Variants in PTDSS1 observed in about 807,000 individuals in gnomAD.
The protein encoded by PTDSS1 is PSS-1.
A neutral mutation model predicts 70.5 loss-of-function variants in PTDSS1; 45 were observed. That is an observed-to-expected ratio of 0.64 (90% CI 0.50 to 0.82). PTDSS1 has a LOEUF of 0.82. Among genes scored for constraint, PTDSS1 ranks in the 40% least tolerant of loss-of-function variants. The pLI is 0.00. For synonymous variants in PTDSS1, 188 were observed against 203.8 expected (o/e 0.92, Z 0.66); for missense variants, 417 against 586.1 (o/e 0.71, Z 2.98).
intron 6 of PTDSS1, among the ~76,000 whole-genome samples, chr8:96,301,352 C>A (rs1811047919): frequency 6.6e-6 from 1 of 152,104 alleles, no homozygotes; most frequent in Non-Finnish European, 1.5e-5. Context: ...GCCTCAGCAT[C>A]TCAAAGTGTT....
chr8:96,264,642 C>A (rs564346314), intron 1 of PTDSS1, among the ~76,000 whole-genome samples: 3 of 152,072 alleles, frequency 2.0e-5, no homozygotes, highest in South Asian at 2.1e-4. Context: ...TTTGTTTCAG[C>A]CTTTCATTTT....
In PTDSS1 at chr8:96,333,438, C is replaced by A; in HGVS notation, c.1313-19C>A. On this transcript the variant is annotated intron_variant, in intron 12 of 12. Coordinates refer to ENST00000517309, the MANE Select transcript of PTDSS1 (RefSeq NM_014754.3). The stretch of plus-strand genomic sequence containing the variant: ...CTCCAGAGCCCAGGGTGACGGTGTG[C>A]TCTGATTCCTTTGGCCAGGTTCTGA... 1.3e-6 allele frequency: 2 copies of A among 1,593,488 alleles called. No individual in the cohort carries two copies. Among genetic ancestry groups the A allele is most frequent in the Non-Finnish European group, 1.7e-6 (2 of 1,161,314 alleles).
chr8:96,280,994 A>G (rs950681874), intron 2 of PTDSS1, among the ~76,000 whole-genome samples: 2 of 152,122 alleles, frequency 1.3e-5, no homozygotes, highest in Non-Finnish European at 2.9e-5. Flanking sequence ...GATGCTACAG[A>G]TGGGGCTCAT....
At chr8:96,263,189 T>G (rs953103983) in intron 1 of PTDSS1, among the ~76,000 whole-genome samples, 1 of 152,212 alleles carries the variant, frequency 6.6e-6, no homozygotes, top group Non-Finnish European at 1.5e-5. Context: ...GCCCAAATCT[T>G]GAACACACCT....
At chr8:96,286,707 T>C (rs1810827249) in intron 3 of PTDSS1, among the ~76,000 whole-genome samples, 1 of 152,206 alleles carries the variant, frequency 6.6e-6, no homozygotes, top group African/African-American at 2.4e-5. Flanking sequence ...CCGACCTGCA[T>C]GCTGTTCTCT....
intron 2 of PTDSS1, among the ~76,000 whole-genome samples, chr8:96,278,606 T>C (rs1810683729): frequency 2.0e-5 from 3 of 152,224 alleles, no homozygotes; most frequent in Non-Finnish European, 4.4e-5. Flanking sequence ...AATGGCTACC[T>C]TCATCCCATT....
At chr8:96,297,203 G>A (rs1416731252) in intron 5 of PTDSS1, among the ~76,000 whole-genome samples, 5 of 152,036 alleles carry the variant, frequency 3.3e-5, no homozygotes, top group Non-Finnish European at 7.4e-5. Context: ...TTTTGAGACG[G>A]AGTCTTGCTT....
intron 12 of PTDSS1, among the ~76,000 whole-genome samples, chr8:96,332,643 G>C (rs1218565968): frequency 6.6e-6 from 1 of 152,188 alleles, no homozygotes; most frequent in Non-Finnish European, 1.5e-5. Context: ...CCACTGAAGA[G>C]AATTAAGCAG....
chr8:96,294,988 G>C, intron 4 of PTDSS1, 110 bp from the exon 5 acceptor site: 3 of 1,028,464 alleles, frequency 2.9e-6, no homozygotes, highest in Non-Finnish European at 4.1e-6. Context: ...TACTGAGCAG[G>C]ACTTATTTGT....
At chr8:96,330,324 AC>A (rs1387473736) in intron 11 of PTDSS1, 43 bp downstream of exon 11, 7 of 1,564,354 alleles carry the variant, frequency 4.5e-6, no homozygotes, top group Non-Finnish European at 6.1e-6. Flanking sequence ...TAAAATAATC[AC>A]CCCGGGCTCG....
chr8:96,268,766 G>A (rs1011175472), intron 1 of PTDSS1, among the ~76,000 whole-genome samples: 2 of 151,920 alleles, frequency 1.3e-5, no homozygotes, highest in African/African-American at 4.8e-5. Flanking sequence ...TTGAAAACTT[G>A]ATTGGGATTT....
intron 3 of PTDSS1, among the ~76,000 whole-genome samples, chr8:96,284,676 A>C (rs1810795944): frequency 6.6e-6 from 1 of 152,250 alleles, no homozygotes; most frequent in Non-Finnish European, 1.5e-5. Flanking sequence ...TTAATTTTGT[A>C]GTCTAAATAG....
At chr8:96,297,896 A>G (rs967700950) in intron 5 of PTDSS1, among the ~76,000 whole-genome samples, 8 of 152,264 alleles carry the variant, frequency 5.3e-5, no homozygotes, top group African/African-American at 1.9e-4. Context: ...TACATGGCAG[A>G]TGCTCCACAA....
At chr8:96,319,458 T>A (rs945586735) in intron 9 of PTDSS1, among the ~76,000 whole-genome samples, 28 of 151,582 alleles carry the variant, frequency 1.8e-4, no homozygotes, top group Admixed American at 1.7e-3. Context: ...TGACTTTTTT[T>A]AATGTTTTAA....
At chr8:96,265,584 C>CAAACA (rs111419887) in intron 1 of PTDSS1, among the ~76,000 whole-genome samples, 2,077 of 151,842 alleles carry the variant, frequency 0.014, 25 homozygotes, top group Non-Finnish European at 0.016. Context: ...TCTCTACAAA[C>CAAACA]AAACAAAACA....
At chr8:96,299,628 T>G (rs1479968951) in intron 5 of PTDSS1, 66 bp from the exon 6 acceptor site, 1 of 1,427,516 alleles carries the variant, frequency 7.0e-7, no homozygotes, top group African/African-American at 1.5e-5. Flanking sequence ...AAAAAGGAAA[T>G]CTATCTATCT....
chr8:96,296,999 A>G (rs1810985235), intron 5 of PTDSS1, among the ~76,000 whole-genome samples: 1 of 152,134 alleles, frequency 6.6e-6, no homozygotes, highest in South Asian at 2.1e-4. Flanking sequence ...AGTTCTGTAG[A>G]GTCTTCTAAG....
chr8:96,320,454 A>C, intron 10 of PTDSS1, 109 bp downstream of exon 10: 1 of 962,732 alleles, frequency 1.0e-6, no homozygotes, highest in Non-Finnish European at 1.6e-6. Flanking sequence ...TTAGAAATTC[A>C]TAAAAAGATG....
chr8:96,317,038 T>TAG (rs1426985511), intron 9 of PTDSS1, among the ~76,000 whole-genome samples: 4 of 134,364 alleles, frequency 3.0e-5, no homozygotes, highest in Admixed American at 3.0e-4. Flanking sequence ...TGTGTCTATA[T>TAG]ATATGTGTGT....
Sources: gnomAD v4.1 joint callset for allele counts (sites outside exome capture counted in the v4.1 genomes callset) on GRCh38, gnomAD v4.1.1 for gene constraint, MANE v1.5 for transcripts, NCBI Gene and HGNC (gene_info 2026-07-23, HGNC 2026-07-21) for gene names.